The following ZNF385D variants were observed in gnomAD, a reference collection of about 807,000 sequenced individuals.
ZNF385D encodes the protein zinc finger protein 385D, also known as zinc finger protein 659.
ZNF385D carries 15 observed loss-of-function variants against 35.8 expected under a neutral mutation model. That is an observed-to-expected ratio of 0.42 (90% confidence interval 0.28 to 0.64). The LOEUF (loss-of-function observed/expected upper bound fraction) is 0.64. Ranked by LOEUF, ZNF385D falls within the 30% of genes least tolerant of loss-of-function variation. The pLI is 0.23. For missense variants in ZNF385D, 474 were observed against 494.6 expected, an observed-to-expected ratio of 0.96 and a Z score of 0.39; for synonymous variants, 212 against 186.8, an observed-to-expected ratio of 1.13 and a Z score of -1.10.
At chr3:21,968,917 C>A (rs747970082) in intron 3 of ZNF385D, among the ~76,000 whole-genome samples, 1 of 152,188 alleles carries the variant, frequency 6.6e-6, no homozygotes, top group Non-Finnish European at 1.5e-5. Flanking sequence ...CAAGTGTTTA[C>A]TGGGGTCTCT....
At chr3:21,548,707 A>G (rs1223725399) in intron 3 of ZNF385D, among the ~76,000 whole-genome samples, 4 of 152,218 alleles carry the variant, frequency 2.6e-5, no homozygotes, top group African/African-American at 9.7e-5. Context: ...TTGTGTGCAG[A>G]ACTTAAGTGA....
At chr3:22,047,319 C>T (rs769466404) in intron 3 of ZNF385D, among the ~76,000 whole-genome samples, 15 of 151,888 alleles carry the variant, frequency 9.9e-5, no homozygotes, top group Non-Finnish European at 2.1e-4. Context: ...AATATACTAA[C>T]GAAAGTGACC....
intron 3 of ZNF385D, among the ~76,000 whole-genome samples, chr3:21,911,333 T>C (rs1699952091): frequency 1.3e-5 from 2 of 151,974 alleles, no homozygotes; most frequent in South Asian, 4.1e-4. Context: ...CTAAATGAAG[T>C]CAAAGAGAAT....
At chr3:21,934,233 T>C (rs937511645) in intron 3 of ZNF385D, among the ~76,000 whole-genome samples, 1 of 152,200 alleles carries the variant, frequency 6.6e-6, no homozygotes, top group Non-Finnish European at 1.5e-5. Flanking sequence ...ACAACTATTG[T>C]TGAAGTATAT....
chr3:21,868,934 T>G (rs1424496328), intron 3 of ZNF385D, among the ~76,000 whole-genome samples: 1 of 152,090 alleles, frequency 6.6e-6, no homozygotes, highest in East Asian at 1.9e-4. Flanking sequence ...TGAAATTTTA[T>G]GCTCTCTCAT....
intron 3 of ZNF385D, among the ~76,000 whole-genome samples, chr3:21,768,899 A>G (rs78958702): frequency 0.084 from 12,153 of 145,272 alleles, 670 homozygotes; most frequent in South Asian, 0.17. Flanking sequence ...GACATTAAAG[A>G]CTAGGAAAAC....
chr3:21,510,616 AT>A (rs1707130614), intron 4 of ZNF385D, among the ~76,000 whole-genome samples: 1 of 152,194 alleles, frequency 6.6e-6, no homozygotes, highest in Admixed American at 6.5e-5. Flanking sequence ...AATGCCTTTT[AT>A]GACTATTCCT....
chr3:21,806,738 G>C (rs1249085334), intron 3 of ZNF385D, among the ~76,000 whole-genome samples: 1 of 152,020 alleles, frequency 6.6e-6, no homozygotes, highest in African/African-American at 2.4e-5. Context: ...TCTGTGACTG[G>C]TTTACAAACT....
At chr3:22,285,538 A>AT (rs1453443325) in intron 2 of ZNF385D, among the ~76,000 whole-genome samples, 2 of 149,634 alleles carry the variant, frequency 1.3e-5, no homozygotes, top group East Asian at 3.9e-4. Flanking sequence ...AACTTTATTT[A>AT]TTTTTTATTA....
chr3:21,563,602 A>C (rs1324474082), intron 3 of ZNF385D, among the ~76,000 whole-genome samples: 1 of 152,208 alleles, frequency 6.6e-6, no homozygotes, highest in Non-Finnish European at 1.5e-5. Flanking sequence ...AGCATCTAAG[A>C]GTCCTACTTG....
intron 3 of ZNF385D, among the ~76,000 whole-genome samples, chr3:22,163,114 G>A (rs1387445767): frequency 2.6e-5 from 4 of 152,094 alleles, no homozygotes; most frequent in Non-Finnish European, 5.9e-5. Flanking sequence ...ACTAGCCATT[G>A]GACACAGGCT....
chr3:21,770,116 C>T (rs992397519), intron 3 of ZNF385D, among the ~76,000 whole-genome samples: 1 of 152,122 alleles, frequency 6.6e-6, no homozygotes, highest in Non-Finnish European at 1.5e-5. Flanking sequence ...ACATGTTAGA[C>T]CTAAAACCAT....
rs1263507060 is a variant in ZNF385D at position 22,181,047 on chromosome 3, A to G, written c.107-12012T>C. Among the ~76,000 whole-genome samples the G allele has an allele frequency of 6.6e-5, 10 of 151,272 alleles. No individual in the cohort carries two copies. The East Asian group carries it at 1.9e-3, about 29-fold the overall frequency. On this transcript the variant is annotated intron_variant, in intron 2 of 5. Transcript: ENST00000494108. ...ATATTTTAATACTTTGGTGATTTCA[A>G]CTGCTGTCCATGCCTAGTCTTTTTG... is the stretch of plus-strand genomic sequence containing the variant.
intron 2 of ZNF385D, among the ~76,000 whole-genome samples, chr3:21,625,639 T>A (rs1200163408): frequency 2.0e-5 from 3 of 152,112 alleles, no homozygotes; most frequent in Non-Finnish European, 4.4e-5. Context: ...AGAACTTACT[T>A]TTTTGCCATT....
chr3:21,717,453 C>T (rs145230344), intron 1 of ZNF385D, among the ~76,000 whole-genome samples: 19 of 152,286 alleles, frequency 1.2e-4, no homozygotes, highest in East Asian at 1.2e-3. Flanking sequence ...ACAGAGATTG[C>T]GATCAGTGCT....
intron 3 of ZNF385D, among the ~76,000 whole-genome samples, chr3:22,078,241 T>C (rs954706228): frequency 3.3e-5 from 5 of 151,974 alleles, no homozygotes; most frequent in Non-Finnish European, 5.9e-5. Flanking sequence ...AAGATATAAA[T>C]GATTTGGTTG....
rs1043805963 is a variant in ZNF385D at position 21,439,403 on chromosome 3, C to G, written c.440-2200G>C. ...AGTGGGCTAAAACCACTAAATTGTTCTTAGGATCAGCTCTATCAGGAGTGA... is the reference window on the plus strand; with the variant it reads ...AGTGGGCTAAAACCACTAAATTGTTGTTAGGATCAGCTCTATCAGGAGTGA... On this transcript the variant is annotated intron_variant, in intron 4 of 7. Coordinates refer to ENST00000281523, the MANE Select transcript of ZNF385D (RefSeq NM_024697.3). 5.3e-5 allele frequency among the ~76,000 whole-genome samples: 8 copies of G among 150,670 alleles called. No homozygotes were observed. In the East Asian group the frequency reaches 1.4e-3, roughly 26 times the overall value.
intron 1 of ZNF385D, among the ~76,000 whole-genome samples, chr3:21,706,731 A>G (rs1190694744): frequency 6.6e-6 from 1 of 152,190 alleles, no homozygotes; most frequent in African/African-American, 2.4e-5. Context: ...ACATGAAGGC[A>G]TCTGTTAAGG....
chr3:21,661,598 C>CT (rs2125250061), intron 2 of ZNF385D, among the ~76,000 whole-genome samples: 1 of 152,254 alleles, frequency 6.6e-6, no homozygotes, highest in East Asian at 1.9e-4. Flanking sequence ...CACTGAAACT[C>CT]TAATGTCTTA....
Sources: allele counts gnomAD v4.1 joint callset (sites outside exome capture counted in the v4.1 genomes callset), GRCh38; gene constraint gnomAD v4.1.1; transcripts MANE v1.5; gene names NCBI Gene and HGNC (gene_info 2026-07-23, HGNC 2026-07-21).